Variants in TMEM116 observed in about 807,000 individuals in gnomAD.
TMEM116 encodes the protein transmembrane protein 116.
Under a neutral mutation model 44.3 loss-of-function variants are expected in TMEM116, and 38 were observed. The ratio of observed to expected loss-of-function variants is 0.86; its 90% CI spans 0.66 to 1.12. TMEM116 has a LOEUF of 1.12. Among genes scored for constraint, TMEM116 ranks in the 50% most tolerant of loss-of-function variants. TMEM116 has a pLI of 0.00. For missense variants in TMEM116, 354 were observed against 401.7 expected, an observed-to-expected ratio of 0.88 and a Z score of 1.01; for synonymous variants, 132 against 144.8, an observed-to-expected ratio of 0.91 and a Z score of 0.64.
At chr12:111,956,985 GT>G (rs1302259565) in intron 4 of TMEM116, among the ~76,000 whole-genome samples, 1 of 151,752 alleles carries the variant, frequency 6.6e-6, no homozygotes, top group Non-Finnish European at 1.5e-5. Context: ...CGTCTGTGAT[GT>G]GAGGAGCCCC....
At chr12:111,943,907 A>G (rs573188885) in intron 4 of TMEM116, among the ~76,000 whole-genome samples, 2 of 152,242 alleles carry the variant, frequency 1.3e-5, no homozygotes, top group African/African-American at 4.8e-5. Context: ...TGGACTGTTC[A>G]AAAGAACCAC....
chr12:111,940,460 C>A (rs1271741366), intron 5 of TMEM116, among the ~76,000 whole-genome samples: 1 of 134,906 alleles, frequency 7.4e-6, no homozygotes, highest in Non-Finnish European at 1.6e-5. Flanking sequence ...TCTCCTGCCC[C>A]CCACATATAT....
chr12:112,007,087 T>A (rs11066126), intron 1 of TMEM116, among the ~76,000 whole-genome samples: 23,871 of 152,114 alleles, frequency 0.16, 2,504 homozygotes, highest in African/African-American at 0.3. Flanking sequence ...TTGCACTCCA[T>A]CCTGGGCAGC....
At chr12:112,005,922 G>A in intron 1 of TMEM116, 1 of 985,052 alleles carries the variant, frequency 1.0e-6, no homozygotes, top group Non-Finnish European at 1.2e-6. Flanking sequence ...AAATACAAAG[G>A]AAGACAGGGA....
chr12:111,979,945 G>C (rs912196565), intron 4 of TMEM116, among the ~76,000 whole-genome samples: 1 of 152,192 alleles, frequency 6.6e-6, no homozygotes, highest in Non-Finnish European at 1.5e-5. Context: ...TGTTGAGGAT[G>C]CCAAGCAGTA....
At chr12:111,940,277 A>AT (rs1555207250) in intron 5 of TMEM116, among the ~76,000 whole-genome samples, 3 of 150,010 alleles carry the variant, frequency 2.0e-5, no homozygotes, top group African/African-American at 4.9e-5. Flanking sequence ...TGTCTCAAAA[A>AT]ATATATATAT....
chr12:111,978,203 C>T (rs2075770458), intron 4 of TMEM116, among the ~76,000 whole-genome samples: 1 of 151,340 alleles, frequency 6.6e-6, no homozygotes, highest in African/African-American at 2.4e-5. Flanking sequence ...AGTTCGAGAC[C>T]AGCCTGACCA....
chr12:111,985,277 T>TAC (rs34447209), intron 4 of TMEM116, among the ~76,000 whole-genome samples: 13,837 of 149,018 alleles, frequency 0.093, 1,937 homozygotes, highest in East Asian at 0.63. Context: ...CTCTAAAGAT[T>TAC]ACACACACAC....
rs7315155 is a variant in TMEM116, at chr12:112,006,688, C to T, written c.-33-1385G>A. 4.7e-3 allele frequency among the ~76,000 whole-genome samples: 719 copies of T among 152,186 alleles called. 7 individuals carry two copies. Among genetic ancestry groups the T allele is most frequent in the African/African-American group, 0.016 (649 of 41,514 alleles). Reference sequence around the variant, plus strand: ...GAATACCAAAAATTCAAATGATTTGCGCACAGCAAGAATATACCTACACAG... The same window carrying T: ...GAATACCAAAAATTCAAATGATTTGTGCACAGCAAGAATATACCTACACAG... On this transcript the variant is annotated intron_variant, in intron 1 of 10. Coordinates refer to ENST00000552374, the MANE Select transcript of TMEM116 (RefSeq NM_001193531.2).
intron 4 of TMEM116, among the ~76,000 whole-genome samples, chr12:111,976,113 A>T (rs937233257): frequency 6.6e-6 from 1 of 151,766 alleles, no homozygotes; most frequent in Non-Finnish European, 1.5e-5. Context: ...GGTTCAAGGG[A>T]TTCTCCTGTC....
intron 3 of TMEM116, among the ~76,000 whole-genome samples, chr12:111,997,349 T>G (rs1299979168): frequency 1.3e-5 from 2 of 151,610 alleles, no homozygotes; most frequent in South Asian, 4.2e-4. Flanking sequence ...AAGCCAGGAG[T>G]TCCAGGCCAG....
intron 1 of TMEM116, among the ~76,000 whole-genome samples, chr12:112,007,499 C>T (rs968129413): frequency 2.0e-5 from 3 of 152,264 alleles, no homozygotes; most frequent in African/African-American, 7.2e-5. Context: ...GAAGACCAGA[C>T]ATTGTTAAAT....
chr12:111,953,510 G>C (rs2073884444), intron 4 of TMEM116, among the ~76,000 whole-genome samples: 2 of 152,236 alleles, frequency 1.3e-5, no homozygotes, highest in South Asian at 4.1e-4. Context: ...ATGCACATAT[G>C]CCTGATAATA....
At chr12:112,000,535 T>C (rs1231466787) in intron 3 of TMEM116, among the ~76,000 whole-genome samples, 3 of 151,914 alleles carry the variant, frequency 2.0e-5, no homozygotes, top group Admixed American at 6.6e-5. Context: ...TTTTTCTTTT[T>C]TTTTTTTTTG....
chr12:111,994,390 G>A (rs1005016313), intron 3 of TMEM116, among the ~76,000 whole-genome samples: 3 of 152,162 alleles, frequency 2.0e-5, no homozygotes, highest in Non-Finnish European at 4.4e-5. Flanking sequence ...CAGGTGGATC[G>A]GCAGGTCGAG....
chr12:111,988,265 GT>G (rs1169567242), intron 4 of TMEM116, among the ~76,000 whole-genome samples: 1 of 152,156 alleles, frequency 6.6e-6, no homozygotes, highest in African/African-American at 2.4e-5. Context: ...GTATAACAAG[GT>G]GAATGTTTAA....
At chr12:111,966,173 G>A (rs929086763) in intron 4 of TMEM116, among the ~76,000 whole-genome samples, 5 of 152,030 alleles carry the variant, frequency 3.3e-5, no homozygotes, top group Non-Finnish European at 7.4e-5. Flanking sequence ...AGGTGTGATG[G>A]TGTGCACCTG....
At chr12:111,991,711 G>T in intron 4 of TMEM116, 47 bp downstream of exon 4, 1 of 1,518,880 alleles carries the variant, frequency 6.6e-7, no homozygotes, top group Non-Finnish European at 8.8e-7. Flanking sequence ...ATCTAGATCT[G>T]AGTGTGCCTT....
chr12:111,934,589 G>A (rs1565863205), intron 8 of TMEM116: 3 of 152,246 alleles, frequency 2.0e-5, no homozygotes, highest in East Asian at 3.9e-4. Flanking sequence ...TGAAACCTGT[G>A]TCTACTAAAA....
Sources: gnomAD v4.1 joint callset for allele counts (sites outside exome capture counted in the v4.1 genomes callset) on GRCh38, gnomAD v4.1.1 for gene constraint, MANE v1.5 for transcripts, NCBI Gene and HGNC (gene_info 2026-07-23, HGNC 2026-07-21) for gene names.